The following RBFOX1 variants were observed in gnomAD, a reference collection of about 807,000 sequenced individuals.
RBFOX1 encodes the protein RNA binding fox-1 homolog 1.
A neutral mutation model predicts 57.7 loss-of-function variants in RBFOX1; 8 were observed. That is an observed-to-expected ratio of 0.14 (90% CI 0.08 to 0.25). The LOEUF (loss-of-function observed/expected upper bound fraction) is 0.25. RBFOX1 is among the 10% of genes least tolerant of loss of function. The pLI is 1.00. For missense variants in RBFOX1, 611 were observed against 548.5 expected (o/e 1.11, Z -1.14); for synonymous variants, 326 against 222.4 (o/e 1.47, Z -4.15).
rs368417428 is a variant in RBFOX1, at chr16:6,767,407, C to G, written c.-16+112757C>G. ...AAGACCACAGGGCTAGGACTGAGTT[C>G]CAATTCTCTGAATGTAGCCCTGCTG... is the stretch of plus-strand genomic sequence containing the variant. On this transcript the variant is annotated intron_variant, in intron 3 of 15. Transcript: ENST00000550418. Among the ~76,000 whole-genome samples, 7 of 152,306 alleles carry G rather than the reference C, an allele frequency of 4.6e-5. No homozygotes were observed. In the East Asian group the frequency reaches 1.4e-3, roughly 29 times the overall value.
intron 3 of RBFOX1, among the ~76,000 whole-genome samples, chr16:6,764,853 C>G (rs563945044): frequency 1.3e-5 from 2 of 152,230 alleles, no homozygotes; most frequent in South Asian, 2.1e-4. Context: ...AGGAGAATCT[C>G]TTGAACCCAG....
chr16:5,803,201 T>C (rs1368434114), intron 3 of RBFOX1, among the ~76,000 whole-genome samples: 2 of 152,152 alleles, frequency 1.3e-5, no homozygotes, highest in Admixed American at 6.5e-5. Flanking sequence ...GCCCTTTGTT[T>C]TCCATACCTC....
At chr16:7,252,478 T>A (rs1336907900) in intron 4 of RBFOX1, among the ~76,000 whole-genome samples, 1 of 152,222 alleles carries the variant, frequency 6.6e-6, no homozygotes, top group East Asian at 1.9e-4. Context: ...TCGTCAGCAC[T>A]GAAGTATCTG....
At position 6,019,217 on chromosome 16, in the gene RBFOX1, T is replaced by C; in HGVS notation, c.-902T>C. On this transcript the variant is annotated 5_prime_UTR_variant, in exon 1 of 16. Transcript: ENST00000550418. This position sits in a 1 kb window ranked among gnomAD's most constrained non-coding sequence, Gnocchi z 4.2. The stretch of plus-strand genomic sequence containing the variant: ...TCTCCCGCCCTCCTACAAGCGCTCT[T>C]GCTGGCCGTCTGGGTGCACACACCG... 1 of 985,292 alleles carries C rather than the reference T, an allele frequency of 1.0e-6. No homozygotes were observed. Among genetic ancestry groups the C allele is most frequent in the Non-Finnish European group, 1.2e-6 (1 of 830,004 alleles). 61.0% of individuals were successfully genotyped at this position (985,292 alleles called of 1,614,324 possible).
At position 5,844,580 on chromosome 16, in the gene RBFOX1, C is replaced by G. The variant is rs372566846; in HGVS notation, c.319-22723C>G. 5.3e-5 allele frequency among the ~76,000 whole-genome samples: 8 copies of G among 152,094 alleles called. No individual in the cohort carries two copies. The East Asian group carries it at 1.4e-3, about 26-fold the overall frequency. On this transcript the variant is annotated intron_variant, in intron 3 of 19. Coordinates refer to the RBFOX1 transcript ENST00000641259. ...CACTAACTAGCAACTTCAAAATGTG[C>G]TGTGTCCAAGGGAAAAAGGAAGGGG...
intron 4 of RBFOX1, among the ~76,000 whole-genome samples, chr16:7,345,275 C>A (rs192965593): frequency 3.9e-5 from 6 of 152,260 alleles, no homozygotes; most frequent in African/African-American, 1.4e-4. Flanking sequence ...TCTCCCTCTA[C>A]AGCTCTGCAT....
At chr16:5,406,269 TA>T (rs1236012918) in intron 1 of RBFOX1, among the ~76,000 whole-genome samples, 2 of 151,968 alleles carry the variant, frequency 1.3e-5, no homozygotes, top group Non-Finnish European at 2.9e-5. Flanking sequence ...GGTGGATGAG[TA>T]CAGCAGATGG....
intron 3 of RBFOX1, among the ~76,000 whole-genome samples, chr16:7,005,788 C>T (rs1036491886): frequency 6.6e-6 from 1 of 152,122 alleles, no homozygotes; most frequent in African/African-American, 2.4e-5. Flanking sequence ...CGCAAGATGA[C>T]CATTCATCTT....
intron 3 of RBFOX1, among the ~76,000 whole-genome samples, chr16:6,838,135 C>T (rs543511207): frequency 1.3e-5 from 2 of 151,984 alleles, no homozygotes; most frequent in Non-Finnish European, 2.9e-5. Context: ...AGGTTTAAAG[C>T]CCCACATGCA....
At chr16:6,522,477 T>C (rs906383068) in intron 2 of RBFOX1, among the ~76,000 whole-genome samples, 3 of 152,138 alleles carry the variant, frequency 2.0e-5, no homozygotes, top group African/African-American at 4.8e-5. Flanking sequence ...CTTCAGTCAA[T>C]GAAATTAGAC....
chr16:6,072,404 A>C (rs2095848299), intron 1 of RBFOX1, among the ~76,000 whole-genome samples: 1 of 152,210 alleles, frequency 6.6e-6, no homozygotes, highest in Admixed American at 6.5e-5. Flanking sequence ...TAATGCTGCA[A>C]AAAAACATAG....
intron 3 of RBFOX1, among the ~76,000 whole-genome samples, chr16:5,814,276 C>G (rs1218024574): frequency 6.6e-6 from 1 of 152,052 alleles, no homozygotes; most frequent in East Asian, 1.9e-4. Context: ...CATGCTATGT[C>G]CTAATGAAGA....
At chr16:7,189,352 G>C in intron 4 of RBFOX1, among the ~76,000 whole-genome samples, 1 of 150,512 alleles carries the variant, frequency 6.6e-6, no homozygotes, top group South Asian at 2.1e-4. Flanking sequence ...TGTGAACCCG[G>C]GAGGTGGAGC....
At chr16:6,088,824 C>T (rs1487341856) in intron 1 of RBFOX1, among the ~76,000 whole-genome samples, 2 of 152,066 alleles carry the variant, frequency 1.3e-5, no homozygotes, top group East Asian at 1.9e-4. Flanking sequence ...CGGCCAGGCG[C>T]GGTGGCTCAT....
chr16:5,877,408 G>A (rs768107333), intron 4 of RBFOX1, among the ~76,000 whole-genome samples: 8 of 152,242 alleles, frequency 5.3e-5, no homozygotes, highest in Non-Finnish European at 8.8e-5. Flanking sequence ...TGTAATAGAA[G>A]TGGGTTCAAG....
At chr16:7,065,275 G>A (rs985913614) in intron 4 of RBFOX1, among the ~76,000 whole-genome samples, 25 of 152,084 alleles carry the variant, frequency 1.6e-4, no homozygotes, top group African/African-American at 2.9e-4. Context: ...GAAGGTGCCC[G>A]TGTGGTCCTT....
intron 1 of RBFOX1, among the ~76,000 whole-genome samples, chr16:5,372,960 C>T (rs1316257333): frequency 6.6e-6 from 1 of 152,174 alleles, no homozygotes; most frequent in Non-Finnish European, 1.5e-5. Context: ...AGGACCTTTC[C>T]AGACACAGGC....
At position 7,166,972 on chromosome 16, in the gene RBFOX1, C is replaced by CTTTTTTTTTTTTTTTTT. The variant is rs537293692; in HGVS notation, c.27+114893_27+114909dup. ...AGCCCCAGATTGCTGCATTGGTGTTCTTTTTTTTTTTTTTTTTTTTTTTTT... is the reference window on the plus strand; with the variant it reads ...AGCCCCAGATTGCTGCATTGGTGTTCTTTTTTTTTTTTTTTTTTTTTTTTTTTTTTTTTTTTTTTTTT... On this transcript the variant is annotated intron_variant, in intron 4 of 15. Transcript: ENST00000550418. Among the ~76,000 whole-genome samples, 30 of 49,112 alleles carry CTTTTTTTTTTTTTTTTT rather than the reference C, an allele frequency of 6.1e-4. 2 individuals are homozygous for CTTTTTTTTTTTTTTTTT. Among genetic ancestry groups the CTTTTTTTTTTTTTTTTT allele is most frequent in the African/African-American group, 8.1e-4 (8 of 9,926 alleles). 32.2% of individuals were successfully genotyped at this position (49,112 alleles called of 152,430 possible). A position where few individuals can be genotyped will look rare whatever the true frequency, so the allele number is the denominator to read the frequency against.
At chr16:6,808,763 G>A (rs1382910170) in intron 3 of RBFOX1, among the ~76,000 whole-genome samples, 1 of 151,904 alleles carries the variant, frequency 6.6e-6, no homozygotes, top group African/African-American at 2.4e-5. Flanking sequence ...GTTATCTCTG[G>A]GTCTGGGTAT....
Sources: gnomAD v4.1 joint callset for allele counts (sites outside exome capture counted in the v4.1 genomes callset) on GRCh38, gnomAD v4.1.1 for gene constraint, Gnocchi (gnomAD v3.1) non-coding constraint, MANE v1.5 for transcripts, NCBI Gene and HGNC (gene_info 2026-07-23, HGNC 2026-07-21) for gene names.